Variants in MIX23 observed in about 807,000 individuals in gnomAD.
MIX23 encodes mitochondrial matrix import factor 23.
In MIX23, 13 loss-of-function variants were observed where a neutral mutation model predicts 21.6. That is an observed-to-expected ratio of 0.60 (90% CI 0.39 to 0.96). The LOEUF is 0.96. Ranked by LOEUF, MIX23 falls within the 40% of genes least tolerant of loss-of-function variation. MIX23 has a pLI of 0.00. For synonymous variants in MIX23, 59 were observed against 58.0 expected, an observed-to-expected ratio of 1.02 and a Z score of -0.08; for missense variants, 144 against 171.2, an observed-to-expected ratio of 0.84 and a Z score of 0.89.
chr3:122,382,747 A>G (rs1221858126), intron 1 of MIX23, among the ~76,000 whole-genome samples: 1 of 152,232 alleles, frequency 6.6e-6, no homozygotes, highest in African/African-American at 2.4e-5. Flanking sequence ...CAAAAATAGT[A>G]AATTGCACCA....
chr3:122,383,052 G>T, intron 1 of MIX23, 122 bp downstream of exon 1: 1 of 1,346,648 alleles, frequency 7.4e-7, no homozygotes, highest in Non-Finnish European at 1.1e-6. Context: ...CCAATGGCTC[G>T]AGAAAAGAGC....
rs1215260086 is a variant in MIX23, at chr3:122,371,655, G to T, written c.177+20C>A. The T allele has an allele frequency of 1.9e-6, 3 of 1,610,820 alleles. 1 individual carries two copies. In the South Asian group the frequency reaches 3.3e-5, roughly 18 times the overall value. Reference sequence around the variant, plus strand: ...AAAGAAAGGCATGAAAGAAGCAAAAGACTCAAAAAATACACTTACAGACTC... The same window carrying T: ...AAAGAAAGGCATGAAAGAAGCAAAATACTCAAAAAATACACTTACAGACTC... On this transcript the variant is annotated intron_variant, in intron 2 of 4. Coordinates refer to ENST00000291458, the MANE Select transcript of MIX23 (RefSeq NM_001017928.4).
chr3:122,378,247 C>T (rs2075503737), intron 1 of MIX23, among the ~76,000 whole-genome samples: 1 of 152,214 alleles, frequency 6.6e-6, no homozygotes, highest in Non-Finnish European at 1.5e-5. Flanking sequence ...TTTGTGTTGA[C>T]TCTGAACTTT....
At chr3:122,374,998 T>G (rs2075472540) in intron 1 of MIX23, among the ~76,000 whole-genome samples, 1 of 152,078 alleles carries the variant, frequency 6.6e-6, no homozygotes, top group Non-Finnish European at 1.5e-5. Context: ...GGGTGGTGGC[T>G]CATGCCTGTA....
chr3:122,380,599 G>T (rs767224082), intron 1 of MIX23, among the ~76,000 whole-genome samples: 4 of 152,126 alleles, frequency 2.6e-5, no homozygotes, highest in Non-Finnish European at 4.4e-5. Context: ...TGATGAAAGA[G>T]ACACGTATGA....
chr3:122,380,914 C>T (rs9859816), intron 1 of MIX23, among the ~76,000 whole-genome samples: 4,507 of 152,188 alleles, frequency 0.03, 207 homozygotes, highest in African/African-American at 0.096. Context: ...AGCACCTCTT[C>T]GATCATCTCA....
At chr3:122,382,752 G>A (rs2075543809) in intron 1 of MIX23, among the ~76,000 whole-genome samples, 1 of 152,122 alleles carries the variant, frequency 6.6e-6, no homozygotes, top group Admixed American at 6.5e-5. Flanking sequence ...ATAGTAAATT[G>A]CACCAAGTAT....
Position 122,380,916 on chromosome 3 carries a change from A to C in MIX23, c.51+2258T>G, listed in dbSNP as rs573980814. On this transcript the variant is annotated intron_variant, in intron 1 of 4. Coordinates refer to ENST00000291458, the MANE Select transcript of MIX23 (RefSeq NM_001017928.4). Reference sequence around the variant, plus strand: ...TGAATCTTCCTAAAGCACCTCTTCGATCATCTCACCCCTCTGCCCAAAAAG... The same window carrying C: ...TGAATCTTCCTAAAGCACCTCTTCGCTCATCTCACCCCTCTGCCCAAAAAG... Among the ~76,000 whole-genome samples the C allele has an allele frequency of 5.3e-5, 8 of 152,208 alleles. No homozygotes were observed. In the East Asian group the frequency reaches 1.5e-3, roughly 29 times the overall value.
intron 1 of MIX23, among the ~76,000 whole-genome samples, chr3:122,375,641 G>A (rs1220297448): frequency 4.6e-5 from 7 of 152,072 alleles, no homozygotes; most frequent in Admixed American, 2.0e-4. Context: ...GCCTTCTTTT[G>A]TGTTATGTTT....
At chr3:122,369,762 T>C (rs886787972) in intron 2 of MIX23, among the ~76,000 whole-genome samples, 8 of 152,174 alleles carry the variant, frequency 5.3e-5, no homozygotes, top group African/African-American at 1.7e-4. Context: ...CAGCAAACAT[T>C]TTTTTGAGAC....
chr3:122,379,056 G>C (rs149185845), intron 1 of MIX23, among the ~76,000 whole-genome samples: 59 of 152,214 alleles, frequency 3.9e-4, no homozygotes, highest in African/African-American at 1.3e-3. Context: ...TAATGTACTT[G>C]TTCAGGAATT....
intron 1 of MIX23, among the ~76,000 whole-genome samples, chr3:122,376,220 C>A (rs2075485963): frequency 6.8e-6 from 1 of 147,492 alleles, no homozygotes; most frequent in Non-Finnish European, 1.5e-5. Flanking sequence ...GATCACAGCA[C>A]TATTCACAGC....
intron 1 of MIX23, among the ~76,000 whole-genome samples, chr3:122,380,332 A>C (rs1002468749): frequency 2.0e-5 from 3 of 152,096 alleles, no homozygotes; most frequent in African/African-American, 7.2e-5. Flanking sequence ...TTTTTACATC[A>C]AAGCTCCCAC....
At chr3:122,361,781 G>C (rs1296343009) in intron 4 of MIX23, among the ~76,000 whole-genome samples, 1 of 152,144 alleles carries the variant, frequency 6.6e-6, no homozygotes, top group African/African-American at 2.4e-5. Context: ...TTGGTGGAAA[G>C]GGCAGGAATA....
At chr3:122,378,806 T>C (rs760242198) in intron 1 of MIX23, among the ~76,000 whole-genome samples, 21 of 152,342 alleles carry the variant, frequency 1.4e-4, no homozygotes, top group Non-Finnish European at 2.9e-4. Context: ...CAATATATGA[T>C]CTAGAGCTTG....
chr3:122,383,206 C>G lies in MIX23; in HGVS notation c.19G>C (p.Gly7Arg). 6.2e-7 allele frequency: 1 copy of G among 1,612,992 alleles called. No individual in the cohort carries two copies. Among genetic ancestry groups the G allele is most frequent in the South Asian group, 1.1e-5 (1 of 91,020 alleles). Residue 7 changes from glycine to arginine, a missense_variant, in exon 1 of 5, where the codon GGT becomes CGT. Physicochemically the swap from Gly to Arg is moderately radical, Grantham distance 125 (BLOSUM62 -2). Transcript: ENST00000291458. ...TCGGCGAACTCCTCACAGTTCACAC[C>G]GCCACTGGGCGCCGCCATATTGGAC... MAAPSG[G>R]VNCEEFAEFQ...
At chr3:122,370,964 G>A (rs988532696) in intron 2 of MIX23, among the ~76,000 whole-genome samples, 2 of 152,228 alleles carry the variant, frequency 1.3e-5, no homozygotes, top group Non-Finnish European at 2.9e-5. Flanking sequence ...TAGGTTTTAA[G>A]GATGCCTTCT....
intron 1 of MIX23, among the ~76,000 whole-genome samples, chr3:122,376,645 T>C (rs1044757229): frequency 9.9e-5 from 15 of 151,734 alleles, no homozygotes. Flanking sequence ...AGAAGAAAAA[T>C]TATGAAATCA....
chr3:122,376,647 A>C (rs141982315), intron 1 of MIX23, among the ~76,000 whole-genome samples: 14 of 152,294 alleles, frequency 9.2e-5, no homozygotes, highest in African/African-American at 2.6e-4. Context: ...AAGAAAAATT[A>C]TGAAATCATG....
Sources: allele counts gnomAD v4.1 joint callset (sites outside exome capture counted in the v4.1 genomes callset), GRCh38; gene constraint gnomAD v4.1.1; transcripts MANE v1.5; gene names NCBI Gene and HGNC (gene_info 2026-07-23, HGNC 2026-07-21).